Variants in SLC18B1 observed in about 807,000 individuals in gnomAD.
SLC18B1 encodes the protein solute carrier family 18 member B1.
In SLC18B1, 62 loss-of-function variants were observed where a neutral mutation model predicts 53.9. The ratio of observed to expected loss-of-function variants is 1.15; its 90% CI spans 0.94 to 1.42. The LOEUF (loss-of-function observed/expected upper bound fraction) is 1.42. Ranked by LOEUF, SLC18B1 falls within the 40% of genes most tolerant of loss-of-function variation. The pLI is 0.00. For missense variants in SLC18B1, 598 were observed against 547.3 expected, an observed-to-expected ratio of 1.09 and a Z score of -0.93; for synonymous variants, 217 against 200.9, an observed-to-expected ratio of 1.08 and a Z score of -0.68.
At chr6:132,783,339 G>A (rs1452867782) in intron 6 of SLC18B1, among the ~76,000 whole-genome samples, 9 of 152,064 alleles carry the variant, frequency 5.9e-5, no homozygotes, top group African/African-American at 2.2e-4. Flanking sequence ...ACCATGCCCA[G>A]CTAATTTTTA....
intron 11 of SLC18B1, 83 bp from the exon 12 acceptor site, chr6:132,771,212 G>C: frequency 8.1e-7 from 1 of 1,236,220 alleles, no homozygotes; most frequent in Admixed American, 1.8e-5. Context: ...TCCTTCAATT[G>C]TAAGTCTTCA....
At chr6:132,796,354 C>CAAAA (rs780737208) in intron 2 of SLC18B1, among the ~76,000 whole-genome samples, 1,523 of 44,616 alleles carry the variant, frequency 0.034, 61 homozygotes, top group African/African-American at 0.079. Context: ...GACTCCATCT[C>CAAAA]AAAAAAAAAA....
Position 132,790,540 on chromosome 6 carries a change from A to C in SLC18B1, c.184-268T>G, listed in dbSNP as rs78663019. Among the ~76,000 whole-genome samples, 885 of 152,352 alleles carry C rather than the reference A, an allele frequency of 5.8e-3. 11 individuals are homozygous for C. The highest frequency in any genetic ancestry group is 0.02 in the African/African-American group (846 of 41,586). ...TTTATGTGGCAAAAGTCAGAATCAG[A>C]GTGTATAAACAAACACAAAAAAAAT... On this transcript the variant is annotated intron_variant, in intron 2 of 13. Transcript: ENST00000275227.
intron 2 of SLC18B1, among the ~76,000 whole-genome samples, chr6:132,794,042 G>C (rs1351979114): frequency 6.6e-6 from 1 of 151,852 alleles, no homozygotes; most frequent in Non-Finnish European, 1.5e-5. Context: ...CCTTCTCACT[G>C]GTTGATTCAC....
chr6:132,784,163 A>T (rs1781311020), intron 5 of SLC18B1, 74 bp from the exon 6 acceptor site: 1 of 1,265,934 alleles, frequency 7.9e-7, no homozygotes, highest in East Asian at 2.9e-5. Context: ...TCTTTAAAAA[A>T]ATTTCTATCT....
At chr6:132,774,102 A>G (rs959469331) in intron 9 of SLC18B1, 120 bp downstream of exon 9, 1 of 608,802 alleles carries the variant, frequency 1.6e-6, no homozygotes, top group Admixed American at 2.8e-5. Flanking sequence ...ATAGAGTCCT[A>G]AAGTTAATTA....
intron 11 of SLC18B1, 99 bp from the exon 12 acceptor site, chr6:132,771,228 T>C (rs548110061): frequency 2.8e-6 from 3 of 1,078,240 alleles, no homozygotes; most frequent in South Asian, 2.8e-5. Context: ...CTTCATTACA[T>C]TGGAAGATAA....
At chr6:132,792,487 C>A (rs1007447471) in intron 2 of SLC18B1, among the ~76,000 whole-genome samples, 2 of 152,034 alleles carry the variant, frequency 1.3e-5, no homozygotes, top group Admixed American at 1.3e-4. Context: ...TAGAATCTAG[C>A]AGAAAATATA....
At chr6:132,782,388 A>G (rs1016855863) in intron 6 of SLC18B1, among the ~76,000 whole-genome samples, 14 of 152,148 alleles carry the variant, frequency 9.2e-5, no homozygotes, top group Non-Finnish European at 1.8e-4. Flanking sequence ...TTTGCCTCAC[A>G]TACTTATTTT....
At chr6:132,777,067 A>G (rs1293873498) in intron 7 of SLC18B1, among the ~76,000 whole-genome samples, 1 of 152,102 alleles carries the variant, frequency 6.6e-6, no homozygotes. Context: ...TAAAAAACAC[A>G]AAAATCAGCC....
chr6:132,776,405 C>T lies in SLC18B1; in HGVS notation c.820G>A (p.Gly274Arg), dbSNP rs749464100. ...AGTGCCATACCCAGGAATACTAGTC[C>T]CACATATCCAGCTGGTAAATTGAAC... ...EKFNLPAGYV[G>R]LVFLGMALSY... The change falls in exon 8 of 14, where the codon GGA becomes AGA. Residue 274 changes from glycine (G) to arginine (R), a missense_variant. Physicochemically the swap from Gly to Arg is moderately radical, Grantham distance 125. Transcript: ENST00000275227. The T allele has an allele frequency of 1.9e-6, 3 of 1,613,102 alleles. No individual in the cohort carries two copies. Among genetic ancestry groups the T allele is most frequent in the South Asian group, 2.2e-5 (2 of 90,818 alleles).
chr6:132,793,170 T>C (rs1487730892), intron 2 of SLC18B1, among the ~76,000 whole-genome samples: 1 of 152,070 alleles, frequency 6.6e-6, no homozygotes, highest in East Asian at 1.9e-4. Context: ...TGACAAAAGA[T>C]GAGTGTGGCA....
chr6:132,796,893 T>C lies in SLC18B1; in HGVS notation c.183+89A>G, dbSNP rs1180882570. 4 of 1,383,032 alleles carry C rather than the reference T, an allele frequency of 2.9e-6. No individual in the cohort carries two copies. In the South Asian group the frequency reaches 4.6e-5, roughly 16 times the overall value. The allele number at this position is 1,383,032 out of a possible 1,614,324, so 85.7% of individuals were successfully genotyped here. A position where few individuals can be genotyped will look rare whatever the true frequency, so the allele number is the denominator to read the frequency against. On this transcript the variant is annotated intron_variant, in intron 2 of 13. Transcript: ENST00000275227. ...GTCCTATATGCAGATTTTTACATTTTATATACTATAAAATAAAATAATTCA... is the reference window on the plus strand; with the variant it reads ...GTCCTATATGCAGATTTTTACATTTCATATACTATAAAATAAAATAATTCA...
intron 2 of SLC18B1, among the ~76,000 whole-genome samples, chr6:132,792,285 AAGAAAGGAAGGAAGGAAGGAAGG>A (rs1562271451): frequency 1.2e-4 from 7 of 56,186 alleles, no homozygotes; most frequent in South Asian, 1.3e-3. Context: ...GAAAGAAAGG[AAGAAAGGAAGGAAGGAAGGAAGG>A]AAGGAAGGAA....
rs1781301063 is a variant in SLC18B1 at position 132,783,927 on chromosome 6, A to T, written c.658+6T>A. The T allele has an allele frequency of 1.9e-6, 3 of 1,582,778 alleles. No homozygotes were observed. The highest frequency in any genetic ancestry group is 2.4e-5 in the South Asian group (2 of 84,968). The stretch of plus-strand genomic sequence containing the variant: ...TTCTTAAAATGAGTAATAAGTGTGG[A>T]CTTACCGTAATTGGGTAAAATATAC... On this transcript the variant is annotated splice_donor_region_variant and intron_variant, in intron 6 of 13. Transcript: ENST00000275227.
chr6:132,784,194 A>T, intron 5 of SLC18B1, 105 bp from the exon 6 acceptor site: 2 of 908,062 alleles, frequency 2.2e-6, no homozygotes, highest in Non-Finnish European at 3.0e-6. Context: ...TTACATACAC[A>T]CACTCCCAAG....
chr6:132,795,191 A>G (rs1028035438), intron 2 of SLC18B1, among the ~76,000 whole-genome samples: 5 of 152,156 alleles, frequency 3.3e-5, no homozygotes, highest in African/African-American at 1.2e-4. Flanking sequence ...CAGTCTTATA[A>G]CATTCTGGAC....
In SLC18B1 at chr6:132,771,204, C is replaced by T. The variant is rs764013535; in HGVS notation, c.1161-75G>A. 164 of 1,312,562 alleles carry T rather than the reference C, an allele frequency of 1.2e-4. 1 individual carries two copies. Among genetic ancestry groups the T allele is most frequent in the Non-Finnish European group, 1.7e-4 (158 of 915,872 alleles). The allele number at this position is 1,312,562 out of a possible 1,614,324, so 81.3% of individuals were successfully genotyped here. On this transcript the variant is annotated intron_variant, in intron 11 of 13. Coordinates refer to ENST00000275227, the MANE Select transcript of SLC18B1 (RefSeq NM_052831.3). ...TTACTTCATGAAAAGCTACATGATC[C>T]TTCAATTGTAAGTCTTCATTACATT...
intron 5 of SLC18B1, among the ~76,000 whole-genome samples, chr6:132,786,534 G>T (rs1274389816): frequency 7.3e-6 from 1 of 136,076 alleles, no homozygotes; most frequent in African/African-American, 2.8e-5. Context: ...GGGCTACGGA[G>T]CGAGACTCCA....
Sources: allele counts gnomAD v4.1 joint callset (sites outside exome capture counted in the v4.1 genomes callset), GRCh38; gene constraint gnomAD v4.1.1; transcripts MANE v1.5; gene names NCBI Gene and HGNC (gene_info 2026-07-23, HGNC 2026-07-21).